The following PCDHA9 variants were observed in gnomAD, a reference collection of about 807,000 sequenced individuals.
The protein encoded by PCDHA9 is protocadherin alpha 9, also known as protocadherin alpha-9.
A neutral mutation model predicts 62.0 loss-of-function variants in PCDHA9; 62 were observed. That is an observed-to-expected ratio of 1.00 (90% CI 0.81 to 1.23). The LOEUF (loss-of-function observed/expected upper bound fraction) is 1.23. PCDHA9 is among the 50% of genes most tolerant of loss of function. The pLI is 0.00. For missense variants in PCDHA9, 1,205 were observed against 1,249.8 expected (o/e 0.96, Z 0.54); for synonymous variants, 557 against 567.6 (o/e 0.98, Z 0.27).
At chr5:140,868,969 T>G (rs986271383) in intron 1 of PCDHA9, 1 of 1,450,578 alleles carries the variant, frequency 6.9e-7, no homozygotes, top group South Asian at 1.4e-5. Flanking sequence ...ACAAAGGAAC[T>G]CCATCATACC....
chr5:140,935,527 C>G (rs956168876), intron 1 of PCDHA9, among the ~76,000 whole-genome samples: 4 of 152,172 alleles, frequency 2.6e-5, no homozygotes, highest in Non-Finnish European at 5.9e-5. Context: ...CATGTACAGT[C>G]AAATTATTGT....
chr5:140,950,526 T>C (rs190195358), intron 1 of PCDHA9, among the ~76,000 whole-genome samples: 17 of 152,212 alleles, frequency 1.1e-4, no homozygotes, highest in Admixed American at 9.2e-4. Flanking sequence ...GATATGATTG[T>C]TTTTGTTGCT....
intron 1 of PCDHA9, chr5:140,857,545 C>A (rs782516369): frequency 6.3e-7 from 1 of 1,596,810 alleles, no homozygotes; most frequent in African/African-American, 1.3e-5. Flanking sequence ...GGCGGTTGGG[C>A]GAGCGCTCGC....
chr5:140,862,896 G>A (rs782777981), intron 1 of PCDHA9: 1 of 554,390 alleles, frequency 1.8e-6, no homozygotes, highest in East Asian at 4.8e-5. Flanking sequence ...CGACAACTTT[G>A]TCTGCGCTGC....
intron 1 of PCDHA9, chr5:140,869,322 C>G (rs1169893950): frequency 6.2e-7 from 1 of 1,613,820 alleles, no homozygotes; most frequent in Admixed American, 1.7e-5. Flanking sequence ...CACATGGGGA[C>G]CTTCTGGAGG....
intron 1 of PCDHA9, among the ~76,000 whole-genome samples, chr5:140,910,092 C>T (rs1554194118): frequency 6.6e-6 from 1 of 152,170 alleles, no homozygotes; most frequent in African/African-American, 2.4e-5. Context: ...GGGGAACCAG[C>T]CTCCCCTTCA....
chr5:140,895,995 G>A (rs2065293379), intron 1 of PCDHA9, among the ~76,000 whole-genome samples: 1 of 152,058 alleles, frequency 6.6e-6, no homozygotes, highest in Non-Finnish European at 1.5e-5. Flanking sequence ...ATTTTAAGTA[G>A]AGACAGGGTT....
intron 1 of PCDHA9, among the ~76,000 whole-genome samples, chr5:140,895,632 A>T (rs2065081182): frequency 6.6e-6 from 1 of 152,052 alleles, no homozygotes; most frequent in South Asian, 2.1e-4. Context: ...GTCTTTTCAC[A>T]TTCTTTTTTA....
chr5:140,891,433 G>A (rs1256174929), intron 1 of PCDHA9, among the ~76,000 whole-genome samples: 1 of 145,874 alleles, frequency 6.9e-6, no homozygotes, highest in African/African-American at 2.6e-5. Flanking sequence ...AGTCCCCAAC[G>A]TCCATTGTAT....
Position 140,928,590 on chromosome 5 carries a change from A to G in PCDHA9, c.2395-50359A>G, listed in dbSNP as rs78699363. The G allele has an allele frequency of 6.8e-4, 1,101 of 1,614,224 alleles. 1 individual carries two copies. Among genetic ancestry groups the G allele is most frequent in the Non-Finnish European group, 8.8e-4 (1,041 of 1,180,028 alleles). On this transcript the variant is annotated intron_variant, in intron 1 of 3. Coordinates refer to ENST00000532602, the MANE Select transcript of PCDHA9 (RefSeq NM_031857.2). ...CCTTGCCCAGAAATGGTTCTGTCCC[A>G]GTGGAAATTGTGCCCCGCTCTGCCA...
intron 1 of PCDHA9, among the ~76,000 whole-genome samples, chr5:140,907,645 T>C (rs2073515740): frequency 1.3e-5 from 2 of 152,328 alleles, no homozygotes; most frequent in South Asian, 4.1e-4. Flanking sequence ...TGCTGGCAAA[T>C]TGGGCACTCA....
In PCDHA9 at chr5:140,907,883, G is replaced by A. The variant is rs374762446; in HGVS notation, c.2394+56994G>A. Among the ~76,000 whole-genome samples, 394 of 152,228 alleles carry A rather than the reference G, an allele frequency of 2.6e-3. 2 individuals carry two copies. Among genetic ancestry groups the A allele is most frequent in the African/African-American group, 9.2e-3 (382 of 41,542 alleles). ...CCAGCCGTTGGTGAGCACTCACATG[G>A]GATACAAATATCTTCACAGTTTTTG... On this transcript the variant is annotated intron_variant, in intron 1 of 3. Coordinates refer to ENST00000532602, the MANE Select transcript of PCDHA9 (RefSeq NM_031857.2).
chr5:141,005,164 G>T (rs782398186), intron 3 of PCDHA9, among the ~76,000 whole-genome samples: 1 of 152,178 alleles, frequency 6.6e-6, no homozygotes, highest in Non-Finnish European at 1.5e-5. Context: ...TAAAGAGTGG[G>T]TACCACTTTC....
intron 1 of PCDHA9, chr5:140,871,054 A>G: frequency 6.2e-7 from 1 of 1,613,204 alleles, no homozygotes. Flanking sequence ...AGTACTGGTG[A>G]AGGATCACGG....
At chr5:140,994,081 G>A (rs147535219) in intron 3 of PCDHA9, among the ~76,000 whole-genome samples, 2 of 152,260 alleles carry the variant, frequency 1.3e-5, no homozygotes, top group Admixed American at 6.5e-5. Flanking sequence ...AGGGAGAAAT[G>A]TAAAGAAATA....
At chr5:140,851,542 C>T in intron 1 of PCDHA9, 1 of 907,540 alleles carries the variant, frequency 1.1e-6, no homozygotes, top group Non-Finnish European at 1.3e-6. Context: ...GTAGATAATT[C>T]AAGAAATGTT....
chr5:140,941,828 A>T (rs2093176954), intron 1 of PCDHA9, among the ~76,000 whole-genome samples: 1 of 152,218 alleles, frequency 6.6e-6, no homozygotes, highest in Non-Finnish European at 1.5e-5. Flanking sequence ...TGCTGTAAAT[A>T]ATTTAGGCTG....
In PCDHA9 at chr5:140,966,763, G is replaced by A. The variant is rs1020607410; in HGVS notation, c.2395-12186G>A. 2.7e-6 allele frequency: 4 copies of A among 1,470,486 alleles called. No homozygotes were observed. The South Asian group carries it at 5.5e-5, about 20-fold the overall frequency. 91.1% of individuals were successfully genotyped at this position (1,470,486 alleles called of 1,614,324 possible). A position where few individuals can be genotyped will look rare whatever the true frequency, so the allele number is the denominator to read the frequency against. Reference sequence around the variant, plus strand: ...CCCGGCTGCCTCCGCCGCGGCCAGTGGCTATGGAGCAGGCGGGCACCAGAC... The same window carrying A: ...CCCGGCTGCCTCCGCCGCGGCCAGTAGCTATGGAGCAGGCGGGCACCAGAC... On this transcript the variant is annotated intron_variant, in intron 1 of 3. Transcript: ENST00000532602.
intron 3 of PCDHA9, among the ~76,000 whole-genome samples, chr5:140,988,486 T>C (rs2153874124): frequency 6.6e-6 from 1 of 152,286 alleles, no homozygotes; most frequent in South Asian, 2.1e-4. Context: ...TAGCATCCCC[T>C]ACCTAGGAGA....
Sources: gnomAD v4.1 joint callset for allele counts (sites outside exome capture counted in the v4.1 genomes callset) on GRCh38, gnomAD v4.1.1 for gene constraint, MANE v1.5 for transcripts, NCBI Gene and HGNC (gene_info 2026-07-23, HGNC 2026-07-21) for gene names.